Variants in RBBP7 observed in about 807,000 individuals in gnomAD.
RBBP7 encodes histone-binding protein RBBP7.
Under a neutral mutation model 35.2 loss-of-function variants are expected in RBBP7, and 5 were observed. The ratio of observed to expected loss-of-function variants is 0.14; its 90% CI spans 0.07 to 0.30. The LOEUF (loss-of-function observed/expected upper bound fraction) is 0.30, where lower values mean the gene tolerates loss of function less well. Ranked by LOEUF, RBBP7 falls within the 10% of genes least tolerant of loss-of-function variation. The pLI, the probability that RBBP7 is intolerant of heterozygous loss-of-function variation, is 1.00. For synonymous variants in RBBP7, 140 were observed against 118.7 expected (o/e 1.18, Z -1.17); for missense variants, 155 against 327.5 (o/e 0.47, Z 4.07).
chrX:16,867,671 T>G (rs758841507), intron 2 of RBBP7, among the ~76,000 whole-genome samples: 12 of 110,963 alleles, frequency 1.1e-4, no homozygotes, highest in African/African-American at 3.9e-4. Context: ...ATTATTATTA[T>G]AATAATTATT....
chrX:16,860,561 G>A (rs1197813140), intron 3 of RBBP7, among the ~76,000 whole-genome samples: 1 of 108,218 alleles, frequency 9.2e-6, no homozygotes, highest in East Asian at 2.9e-4. Flanking sequence ...GGTGGCGGGC[G>A]CCTGTAGTCC....
intron 3 of RBBP7, among the ~76,000 whole-genome samples, chrX:16,860,500 A>G (rs1344076633): frequency 9.2e-6 from 1 of 108,976 alleles, no homozygotes; most frequent in Admixed American, 9.8e-5. Flanking sequence ...CATCCTGGCT[A>G]ACAAGGTGAA....
chrX:16,862,926 A>T (rs1200319866), intron 3 of RBBP7, 29 bp downstream of exon 3: 3 of 1,194,043 alleles, frequency 2.5e-6, no homozygotes, highest in Non-Finnish European at 3.4e-6. Context: ...TCCCTTTGAC[A>T]CCAATATTGG....
intron 5 of RBBP7, among the ~76,000 whole-genome samples, chrX:16,856,976 A>C (rs1021498315): frequency 8.9e-6 from 1 of 111,801 alleles, no homozygotes; most frequent in African/African-American, 3.2e-5. Flanking sequence ...CATCCATAAA[A>C]AGGAATGGAA....
Position 16,852,648 on chromosome X carries a change from G to A in RBBP7, c.886-20C>T, listed in dbSNP as rs1930238283. The A allele has an allele frequency of 2.5e-6, 3 of 1,207,109 alleles. No individual in the cohort carries two copies. Among genetic ancestry groups the A allele is most frequent in the Non-Finnish European group, 3.4e-6 (3 of 893,693 alleles). ...TACGGTCTAAAGAAAAATAACAAGT[G>A]AAAATGATTTCTATGCTTTACCTAA... On this transcript the variant is annotated intron_variant, in intron 7 of 11. Coordinates refer to ENST00000380087, the MANE Select transcript of RBBP7 (RefSeq NM_002893.4).
At chrX:16,845,740 T>A in intron 11 of RBBP7, 88 bp downstream of exon 11, 1 of 1,115,846 alleles carries the variant, frequency 9.0e-7, no homozygotes, top group Non-Finnish European at 1.2e-6. Context: ...AATATGCACC[T>A]ACATATTCGA....
At position 16,870,070 on chromosome X, in the gene RBBP7, C is replaced by T. The variant is rs753310958; in HGVS notation, c.-17G>A. Reference sequence around the variant, plus strand: ...ACTCGCCATCTTGCGTCGGGTCGTTCGCCCCTCGCCGCCGCCTCGGACTCC... The same window carrying T: ...ACTCGCCATCTTGCGTCGGGTCGTTTGCCCCTCGCCGCCGCCTCGGACTCC... On this transcript the variant is annotated 5_prime_UTR_variant, in exon 1 of 12. Coordinates refer to ENST00000380087, the MANE Select transcript of RBBP7 (RefSeq NM_002893.4). The T allele has an allele frequency of 1.5e-5, 16 of 1,083,621 alleles. No individual in the cohort carries two copies. The East Asian group carries it at 1.6e-4, about 11-fold the overall frequency. 89.3% of individuals were successfully genotyped at this position (1,083,621 alleles called of 1,213,427 possible). A position where few individuals can be genotyped will look rare whatever the true frequency, so the allele number is the denominator to read the frequency against.
At chrX:16,869,312 A>T in intron 1 of RBBP7, 92 bp from the exon 2 acceptor site, 1 of 1,084,564 alleles carries the variant, frequency 9.2e-7, no homozygotes, top group Non-Finnish European at 1.2e-6. Flanking sequence ...CACCTCATGT[A>T]CTCTTTCCTT....
At chrX:16,847,273 C>A (rs1379561319) in intron 10 of RBBP7, 1 of 110,064 alleles carries the variant, frequency 9.1e-6, no homozygotes, top group Admixed American at 9.6e-5. Context: ...GAGATCAAGA[C>A]CATCCTGGCC....
At chrX:16,849,356 A>G in intron 9 of RBBP7, 55 bp from the exon 10 acceptor site, 1 of 1,064,787 alleles carries the variant, frequency 9.4e-7, no homozygotes, top group Non-Finnish European at 1.3e-6. Flanking sequence ...TAGCACGAAC[A>G]TCTGCTAAAC....
chrX:16,868,406 A>G (rs969682319), intron 2 of RBBP7, among the ~76,000 whole-genome samples: 3 of 112,491 alleles, frequency 2.7e-5, no homozygotes, highest in Non-Finnish European at 1.9e-5. Context: ...AAGGATGATG[A>G]AAAGTACCTA....
At position 16,857,582 on chromosome X, in the gene RBBP7, T is replaced by G. The variant is rs114732321; in HGVS notation, c.597+12A>C. 3.3e-3 allele frequency: 3,987 copies of G among 1,208,676 alleles called. 85 individuals are homozygous for G. In the African/African-American group the frequency reaches 0.063, roughly 19 times the overall value. On this transcript the variant is annotated intron_variant, in intron 5 of 11. Coordinates refer to ENST00000380087, the MANE Select transcript of RBBP7 (RefSeq NM_002893.4). ...CACTATATGAACAAATTACAAAGAATACGTTTCTCACATGGTCATCAGATG... is the reference window on the plus strand; with the variant it reads ...CACTATATGAACAAATTACAAAGAAGACGTTTCTCACATGGTCATCAGATG...
At position 16,844,985 on chromosome X, in the gene RBBP7, A is replaced by C; in HGVS notation, c.*50T>G. 9.1e-7 allele frequency: 1 copy of C among 1,103,776 alleles called. No individual in the cohort carries two copies. The highest frequency in any genetic ancestry group is 3.0e-5 in the East Asian group (1 of 33,280). The allele number at this position is 1,103,776 out of a possible 1,213,427, so 91.0% of individuals were successfully genotyped here. On this transcript the variant is annotated 3_prime_UTR_variant, in exon 12 of 12. Coordinates refer to ENST00000380087, the MANE Select transcript of RBBP7 (RefSeq NM_002893.4). ...TGCCTTTTTGGCGCTTGATAAATCA[A>C]GCATTCATGTAGCATTACATTCAAC... is the stretch of plus-strand genomic sequence containing the variant.
At chrX:16,853,076 C>T (rs1930248320) in intron 6 of RBBP7, 1 of 511,030 alleles carries the variant, frequency 2.0e-6, no homozygotes, top group South Asian at 5.0e-5. Flanking sequence ...GGCTGTTAGT[C>T]CTGTTTTTTA....
intron 11 of RBBP7, among the ~76,000 whole-genome samples, chrX:16,845,426 A>G (rs1287854742): frequency 8.9e-6 from 1 of 112,381 alleles, no homozygotes; most frequent in African/African-American, 3.2e-5. Flanking sequence ...ACAACAACTT[A>G]GAAATGTCAG....
chrX:16,864,294 CG>C lies in RBBP7; in HGVS notation c.162-1195del, dbSNP rs200850720. Among the ~76,000 whole-genome samples the C allele has an allele frequency of 5.0e-3, 550 of 110,427 alleles. 5 individuals carry two copies. Among genetic ancestry groups the C allele is most frequent in the African/African-American group, 0.017 (506 of 30,306 alleles). ...CAGCACTTTAGGAGGCCAAGGCAGG[CG>C]GATCACCTGAGGTCAGGAGTTCGAG... On this transcript the variant is annotated intron_variant, in intron 2 of 11. Transcript: ENST00000380087.
chrX:16,861,740 T>C (rs571374353), intron 3 of RBBP7, among the ~76,000 whole-genome samples: 4 of 111,765 alleles, frequency 3.6e-5, no homozygotes, highest in African/African-American at 9.8e-5. Context: ...AAAGAGTTAA[T>C]ACAGCAGTCT....
chrX:16,850,553 C>T (rs1337717538), intron 9 of RBBP7, among the ~76,000 whole-genome samples: 1 of 112,411 alleles, frequency 8.9e-6, no homozygotes, highest in African/African-American at 3.2e-5. Context: ...ATACAATGCC[C>T]CCAACTGTCT....
intron 4 of RBBP7, 119 bp downstream of exon 4, chrX:16,858,557 C>A: frequency 1.9e-6 from 2 of 1,055,352 alleles, no homozygotes; most frequent in Admixed American, 3.2e-5. Context: ...GTTATGGGAC[C>A]CCCAAAGCAA....
Sources: allele counts gnomAD v4.1 joint callset (sites outside exome capture counted in the v4.1 genomes callset), GRCh38; gene constraint gnomAD v4.1.1; transcripts MANE v1.5; gene names NCBI Gene and HGNC (gene_info 2026-07-23, HGNC 2026-07-21).